The following TBC1D9 variants were observed in gnomAD, a reference collection of about 807,000 sequenced individuals.
TBC1D9 encodes TBC1 domain family member 9.
Under a neutral mutation model 132.0 loss-of-function variants are expected in TBC1D9, and 63 were observed. That is an observed-to-expected ratio of 0.48 (90% CI 0.39 to 0.59). The LOEUF is 0.59. Among genes scored for constraint, TBC1D9 ranks in the 20% least tolerant of loss-of-function variants. The pLI, the probability that TBC1D9 is intolerant of heterozygous loss-of-function variation, is 0.00. For synonymous variants in TBC1D9, 610 were observed against 609.9 expected, an observed-to-expected ratio of 1.00 and a Z score of 0.00; for missense variants, 1,261 against 1,592.7, an observed-to-expected ratio of 0.79 and a Z score of 3.54.
intron 9 of TBC1D9, among the ~76,000 whole-genome samples, chr4:140,664,358 A>C (rs1338000202): frequency 6.6e-6 from 1 of 152,216 alleles, no homozygotes; most frequent in African/African-American, 2.4e-5. Flanking sequence ...CTTAAATAAA[A>C]GACATCCTGT....
intron 1 of TBC1D9, among the ~76,000 whole-genome samples, chr4:140,747,645 T>TA (rs1282855884): frequency 6.6e-6 from 1 of 151,926 alleles, no homozygotes; most frequent in African/African-American, 2.4e-5. Context: ...TATTTTAGAG[T>TA]AACAATTATT....
chr4:140,692,052 A>G (rs1334429654), intron 2 of TBC1D9, among the ~76,000 whole-genome samples: 3 of 152,246 alleles, frequency 2.0e-5, no homozygotes, highest in African/African-American at 7.2e-5. Flanking sequence ...CCTCCTAGGA[A>G]TAATACATTT....
intron 1 of TBC1D9, among the ~76,000 whole-genome samples, chr4:140,716,279 G>A (rs1738332597): frequency 6.6e-6 from 1 of 152,112 alleles, no homozygotes; most frequent in Non-Finnish European, 1.5e-5. Context: ...TTGAGCCCAG[G>A]AGTTGGAGAC....
At chr4:140,623,266 G>A (rs1281153690) in intron 20 of TBC1D9, among the ~76,000 whole-genome samples, 4 of 151,908 alleles carry the variant, frequency 2.6e-5, no homozygotes, top group Non-Finnish European at 4.4e-5. Context: ...ATGGGGTTTC[G>A]CCATTTTACC....
intron 2 of TBC1D9, among the ~76,000 whole-genome samples, chr4:140,697,105 G>A (rs1346876618): frequency 1.3e-5 from 2 of 152,136 alleles, no homozygotes; most frequent in Non-Finnish European, 2.9e-5. Context: ...GGCCTGGTGT[G>A]GTGGCTCACA....
chr4:140,628,404 T>C (rs774045870), intron 16 of TBC1D9, 39 bp from the exon 17 acceptor site: 4 of 1,556,528 alleles, frequency 2.6e-6, no homozygotes, highest in Non-Finnish European at 3.5e-6. Flanking sequence ...ATGCATCACA[T>C]GTGCTAATAA....
intron 3 of TBC1D9, among the ~76,000 whole-genome samples, chr4:140,681,253 T>C (rs1737698595): frequency 6.6e-6 from 1 of 152,206 alleles, no homozygotes; most frequent in Non-Finnish European, 1.5e-5. Context: ...AATCAGACTG[T>C]TCTGTTTCGT....
intron 13 of TBC1D9, chr4:140,642,571 C>A: frequency 1.0e-6 from 1 of 988,820 alleles, no homozygotes; most frequent in Non-Finnish European, 1.6e-6. Flanking sequence ...GCTTGCTTGC[C>A]AACTGCTCCT....
chr4:140,627,561 G>C, intron 17 of TBC1D9, 34 bp from the exon 18 acceptor site: 1 of 1,297,810 alleles, frequency 7.7e-7, no homozygotes, highest in East Asian at 2.3e-5. Flanking sequence ...TCTCATATTG[G>C]TAGGGCCATG....
intron 3 of TBC1D9, among the ~76,000 whole-genome samples, chr4:140,680,791 A>G (rs958597086): frequency 6.6e-6 from 1 of 152,108 alleles, no homozygotes; most frequent in African/African-American, 2.4e-5. Flanking sequence ...CTGCCTCCTC[A>G]TACCTAGAAT....
At chr4:140,635,078 G>T (rs1042864490) in intron 15 of TBC1D9, among the ~76,000 whole-genome samples, 1 of 152,118 alleles carries the variant, frequency 6.6e-6, no homozygotes, top group East Asian at 1.9e-4. Context: ...GGTGGCAGGT[G>T]GGGGAGAAAG....
chr4:140,622,336 G>C lies in TBC1D9; in HGVS notation c.3660C>G (p.Leu1220=). The change falls in exon 21 of 21, where the codon CTC becomes CTG. Residue 1220 remains leucine, a synonymous_variant. Coordinates refer to ENST00000442267, the MANE Select transcript of TBC1D9 (RefSeq NM_015130.3). ...AITFEQFLAS[L]LTEPALVKYF... ...ACTTGACCAGGGCAGGCTCAGTTAA[G>C]AGGGAGGCCAGGAACTGCTCGAAGG... The C allele has an allele frequency of 6.2e-7, 1 of 1,613,790 alleles. No homozygotes were observed. Among genetic ancestry groups the C allele is most frequent in the South Asian group, 1.1e-5 (1 of 91,076 alleles).
At chr4:140,643,369 G>A in intron 13 of TBC1D9, 1 of 1,299,326 alleles carries the variant, frequency 7.7e-7, no homozygotes, top group Non-Finnish European at 1.1e-6. Flanking sequence ...GGGGAGGGCA[G>A]AGGCCTGGCC....
At chr4:140,635,214 C>T (rs973754476) in intron 15 of TBC1D9, among the ~76,000 whole-genome samples, 1 of 152,124 alleles carries the variant, frequency 6.6e-6, no homozygotes, top group Admixed American at 6.5e-5. Context: ...TGCAGTGGCT[C>T]ATTCCTATAT....
At position 140,643,004 on chromosome 4, in the gene TBC1D9, G is replaced by A. The variant is rs537410344; in HGVS notation, c.2338-3576C>T. On this transcript the variant is annotated intron_variant, in intron 13 of 20. Transcript: ENST00000442267. ...GCCACATTCTGAAGTCCAGTTCCAG[G>A]ACGTCCATGTCCTCCACGGAGGACT... The A allele has an allele frequency of 7.2e-4, 549 of 760,718 alleles. 1 individual carries two copies. Among genetic ancestry groups the A allele is most frequent in the Non-Finnish European group, 1.0e-3 (471 of 469,808 alleles). 47.1% of individuals were successfully genotyped at this position (760,718 alleles called of 1,614,324 possible). A position where few individuals can be genotyped will look rare whatever the true frequency, so the allele number is the denominator to read the frequency against.
chr4:140,701,419 G>T lies in TBC1D9; in HGVS notation c.241+85C>A, dbSNP rs1738067091. The T allele has an allele frequency of 1.2e-5, 12 of 986,760 alleles. No homozygotes were observed. In the South Asian group the frequency reaches 1.7e-4, roughly 14 times the overall value. 61.1% of individuals were successfully genotyped at this position (986,760 alleles called of 1,614,324 possible). The stretch of plus-strand genomic sequence containing the variant: ...AAATACCAGTGATTGCATTCAGCAA[G>T]TACACGTTCCTTTCCTTCTGATAAA... On this transcript the variant is annotated intron_variant, in intron 2 of 20. Transcript: ENST00000442267.
intron 1 of TBC1D9, among the ~76,000 whole-genome samples, chr4:140,750,530 A>G (rs1357706343): frequency 6.6e-6 from 1 of 152,104 alleles, no homozygotes; most frequent in Admixed American, 6.5e-5. Context: ...TTAAAAAGAC[A>G]TAATATACAA....
chr4:140,734,331 T>C (rs918854195), intron 1 of TBC1D9, among the ~76,000 whole-genome samples: 3 of 152,248 alleles, frequency 2.0e-5, no homozygotes, highest in South Asian at 2.1e-4. Context: ...GGTTTCGCCA[T>C]GTATCCCAGG....
intron 1 of TBC1D9, among the ~76,000 whole-genome samples, chr4:140,746,652 C>A (rs773526365): frequency 6.6e-6 from 1 of 152,020 alleles, no homozygotes; most frequent in Non-Finnish European, 1.5e-5. Flanking sequence ...CATATGGCAT[C>A]CAGCAAAGAG....
Sources: gnomAD v4.1 joint callset for allele counts (sites outside exome capture counted in the v4.1 genomes callset) on GRCh38, gnomAD v4.1.1 for gene constraint, MANE v1.5 for transcripts, NCBI Gene and HGNC (gene_info 2026-07-23, HGNC 2026-07-21) for gene names.